ATG7: variants seen among roughly 807,000 people sequenced by gnomAD.
ATG7 encodes autophagy related 7.
A neutral mutation model predicts 82.4 loss-of-function variants in ATG7; 70 were observed. The observed-to-expected ratio is 0.85, with a 90% CI of 0.70 to 1.04. The LOEUF (loss-of-function observed/expected upper bound fraction) is 1.04, where lower values mean the gene tolerates loss of function less well. Among genes scored for constraint, ATG7 ranks in the 50% least tolerant of loss-of-function variants. ATG7 has a pLI of 0.00. For missense variants in ATG7, 792 were observed against 864.3 expected, an observed-to-expected ratio of 0.92 and a Z score of 1.05; for synonymous variants, 287 against 313.0, an observed-to-expected ratio of 0.92 and a Z score of 0.88.
At chr3:11,530,249 G>A (rs556472584) in intron 20 of ATG7, among the ~76,000 whole-genome samples, 50 of 152,278 alleles carry the variant, frequency 3.3e-4, no homozygotes, top group South Asian at 6.2e-4. Flanking sequence ...CAGAGAGAGC[G>A]AGGCCCTGCA....
chr3:11,428,952 A>AT (rs2082606848), intron 20 of ATG7, among the ~76,000 whole-genome samples: 1 of 152,212 alleles, frequency 6.6e-6, no homozygotes, highest in South Asian at 2.1e-4. Flanking sequence ...AGACTTAGAG[A>AT]AAGTTTAAAA....
At chr3:11,467,493 C>T (rs2086953215) in intron 20 of ATG7, among the ~76,000 whole-genome samples, 1 of 152,200 alleles carries the variant, frequency 6.6e-6, no homozygotes, top group South Asian at 2.1e-4. Context: ...TCTTCTGCCT[C>T]AGCCTCCCGA....
chr3:11,360,744 T>C lies in ATG7; in HGVS notation c.1643T>C (p.Leu548Pro). Residue 548 changes from leucine to proline, a missense_variant, in exon 16 of 21, where the codon CTT (leucine) becomes CCT (proline). Leu to Pro is a moderately conservative substitution (Grantham distance 98). Coordinates refer to ENST00000693202, the MANE Select transcript of ATG7 (RefSeq NM_001349232.2). ...SLFANIPGYKLGCYFCNDVVA... is the reference protein window; with the variant it reads ...SLFANIPGYKPGCYFCNDVVA... ...TTTGCCAACATCCCTGGTTACAAGCTTGGCTGCTACTTCTGCAATGATGTG... is the reference window on the plus strand; with the variant it reads ...TTTGCCAACATCCCTGGTTACAAGCCTGGCTGCTACTTCTGCAATGATGTG... 1.2e-6 allele frequency: 2 copies of C among 1,614,218 alleles called. No individual in the cohort carries two copies. Among genetic ancestry groups the C allele is most frequent in the East Asian group, 2.2e-5 (1 of 44,886 alleles).
chr3:11,417,763 G>A (rs1236523460), intron 19 of ATG7, among the ~76,000 whole-genome samples: 3 of 144,278 alleles, frequency 2.1e-5, no homozygotes, highest in African/African-American at 7.6e-5. Context: ...CTTGCCTTTT[G>A]TGGTTTACCA....
intron 20 of ATG7, among the ~76,000 whole-genome samples, chr3:11,551,223 T>C (rs961611396): frequency 2.0e-5 from 3 of 152,240 alleles, no homozygotes; most frequent in Admixed American, 6.5e-5. Flanking sequence ...GGGGGTTTCA[T>C]GGCGTCTCCC....
intron 9 of ATG7, among the ~76,000 whole-genome samples, chr3:11,326,362 G>A (rs1054213482): frequency 6.6e-6 from 1 of 151,736 alleles, no homozygotes; most frequent in Non-Finnish European, 1.5e-5. Flanking sequence ...GCAGTGGCCC[G>A]ATCTTGGCTC....
At chr3:11,563,750 G>C in the ATG7 span, among the ~76,000 whole-genome samples, 1 of 152,224 alleles carries the variant, frequency 6.6e-6, no homozygotes, top group East Asian at 1.9e-4. Context: ...GCACACAGCA[G>C]GGGTCTGTGC....
At chr3:11,416,939 A>G (rs2081418386) in intron 19 of ATG7, among the ~76,000 whole-genome samples, 1 of 152,002 alleles carries the variant, frequency 6.6e-6, no homozygotes, top group South Asian at 2.1e-4. Context: ...ATTTATCTTG[A>G]GATTTTTTAT....
At chr3:11,318,731 C>T (rs558212716) in intron 9 of ATG7, among the ~76,000 whole-genome samples, 3 of 152,276 alleles carry the variant, frequency 2.0e-5, no homozygotes, top group Non-Finnish European at 4.4e-5. Flanking sequence ...TTAATATTTC[C>T]CAAGATACAT....
chr3:11,409,241 G>A (rs2080659105), intron 19 of ATG7, among the ~76,000 whole-genome samples: 1 of 152,130 alleles, frequency 6.6e-6, no homozygotes, highest in South Asian at 2.1e-4. Flanking sequence ...GAGAGTAATA[G>A]GCATTCATTA....
At chr3:11,525,250 C>T (rs945396688) in intron 20 of ATG7, among the ~76,000 whole-genome samples, 6 of 151,224 alleles carry the variant, frequency 4.0e-5, no homozygotes, top group African/African-American at 1.2e-4. Context: ...AGGGTTGTCT[C>T]GGACTCCTGA....
At chr3:11,499,666 G>GA (rs1181088562) in intron 20 of ATG7, among the ~76,000 whole-genome samples, 1 of 150,550 alleles carries the variant, frequency 6.6e-6, no homozygotes, top group East Asian at 1.9e-4. Flanking sequence ...AGAATCGCTT[G>GA]AACCGGGAAG....
In ATG7 at chr3:11,380,837, C is replaced by T. The variant is rs761993919; in HGVS notation, c.1956+785C>T. Among the ~76,000 whole-genome samples, 9 of 152,286 alleles carry T rather than the reference C, an allele frequency of 5.9e-5. No individual in the cohort carries two copies. In the East Asian group the frequency reaches 7.7e-4, roughly 13 times the overall value. On this transcript the variant is annotated intron_variant, in intron 19 of 20. Transcript: ENST00000693202. Reference sequence around the variant, plus strand: ...ATCCCCAACTGTGGCTTCTCAGTTACAATTTGGAACTATTTTTCGTGTAGC... The same window carrying T: ...ATCCCCAACTGTGGCTTCTCAGTTATAATTTGGAACTATTTTTCGTGTAGC...
At chr3:11,358,636 T>C (rs777305436) in intron 15 of ATG7, 24 bp downstream of exon 15, 1 of 1,605,268 alleles carries the variant, frequency 6.2e-7, no homozygotes, top group Non-Finnish European at 8.5e-7. Flanking sequence ...CTAATTATGA[T>C]TTATGATTTA....
chr3:11,299,988 A>G (rs1305187418), intron 5 of ATG7, among the ~76,000 whole-genome samples: 5 of 151,532 alleles, frequency 3.3e-5, no homozygotes, highest in African/African-American at 1.2e-4. Flanking sequence ...GTAGTAGTAC[A>G]ATCTCAGCCC....
At chr3:11,553,040 C>T (rs1429969719) in intron 20 of ATG7, among the ~76,000 whole-genome samples, 1 of 152,060 alleles carries the variant, frequency 6.6e-6, no homozygotes, top group East Asian at 1.9e-4. Context: ...CCTGCCCTGC[C>T]CAGGCTGGCA....
At chr3:11,518,154 T>C (rs1005061635) in intron 20 of ATG7, among the ~76,000 whole-genome samples, 2 of 152,076 alleles carry the variant, frequency 1.3e-5, no homozygotes, top group African/African-American at 4.8e-5. Context: ...GAAAGACTAG[T>C]TGTAGAGAGA....
intron 20 of ATG7, among the ~76,000 whole-genome samples, chr3:11,466,081 C>T (rs1170689161): frequency 5.3e-5 from 8 of 152,292 alleles, no homozygotes; most frequent in East Asian, 3.9e-4. Flanking sequence ...CTAAAGTCTG[C>T]GGCTTATTCC....
chr3:11,364,958 C>G lies in ATG7; in HGVS notation c.1875+224C>G, dbSNP rs140879526. Among the ~76,000 whole-genome samples, 364 of 152,182 alleles carry G rather than the reference C, an allele frequency of 2.4e-3. 1 individual carries two copies. Among genetic ancestry groups the G allele is most frequent in the African/African-American group, 8.1e-3 (336 of 41,508 alleles). ...GAAGCATTGCCCAGAGTCTTTGATG[C>G]GTTTTGTAAACTGACTAGAGGCCTC... On this transcript the variant is annotated intron_variant, in intron 18 of 20. Transcript: ENST00000693202.
Sources: allele counts gnomAD v4.1 joint callset (sites outside exome capture counted in the v4.1 genomes callset), GRCh38; gene constraint gnomAD v4.1.1; transcripts MANE v1.5; gene names NCBI Gene and HGNC (gene_info 2026-07-23, HGNC 2026-07-21).